Variants in CDK12 observed in about 807,000 individuals in gnomAD.
The protein encoded by CDK12 is cyclin-dependent kinase 12.
In CDK12, 17 loss-of-function variants were observed where a neutral mutation model predicts 133.8. The observed-to-expected ratio is 0.13, with a 90% CI of 0.09 to 0.19. The LOEUF (loss-of-function observed/expected upper bound fraction) is 0.19. Ranked by LOEUF, CDK12 falls within the 10% of genes least tolerant of loss-of-function variation. The pLI, the probability that CDK12 is intolerant of heterozygous loss-of-function variation, is 1.00. For missense variants in CDK12, 1,508 were observed against 1,818.7 expected, an observed-to-expected ratio of 0.83 and a Z score of 3.11; for synonymous variants, 694 against 683.6, an observed-to-expected ratio of 1.02 and a Z score of -0.24.
At chr17:39,474,678 A>G (rs2050046913) in intron 2 of CDK12, among the ~76,000 whole-genome samples, 1 of 151,268 alleles carries the variant, frequency 6.6e-6, no homozygotes, top group Admixed American at 6.7e-5. Flanking sequence ...GTTTTTTCGT[A>G]CCCTCTGTTC....
chr17:39,564,291 T>G (rs2056496550), intron 3 of CDK12, among the ~76,000 whole-genome samples: 1 of 152,156 alleles, frequency 6.6e-6, no homozygotes, highest in East Asian at 1.9e-4. Context: ...GAAGGGAGTC[T>G]ATGATAGTGT....
Position 39,471,175 on chromosome 17 carries a change from C to T in CDK12, c.1343C>T (p.Pro448Leu). ...TCAGGTTTGGAGTCTAAAAAGTTAC[C>T]CAGAAGTGTAAAATTGGAAAAATCT... ...KDSGLESKKL[P>L]RSVKLEKSAP... The change falls in exon 2 of 14, where the codon CCC becomes CTC. Residue 448 changes from proline to leucine, a missense_variant. Transcript: ENST00000447079. 1 of 1,580,434 alleles carries T rather than the reference C, an allele frequency of 6.3e-7. No homozygotes were observed. Among genetic ancestry groups the T allele is most frequent in the Middle Eastern group, 1.7e-4 (1 of 5,856 alleles).
rs2049011332 is a variant in CDK12 at position 39,462,264 on chromosome 17, A to G, written c.193A>G (p.Thr65Ala). The G allele has an allele frequency of 1.2e-6, 2 of 1,614,096 alleles. No homozygotes were observed. Among genetic ancestry groups the G allele is most frequent in the African/African-American group, 2.7e-5 (2 of 74,944 alleles). ...GACCCCCGAAGCAGCATCCCTGGGCACAGTTATCAAACCTTTGGTGGAGTA... is the reference window on the plus strand; with the variant it reads ...GACCCCCGAAGCAGCATCCCTGGGCGCAGTTATCAAACCTTTGGTGGAGTA... ...LVTPEAASLG[T>A]VIKPLVEYDD... Residue 65 changes from threonine (T) to alanine (A), a missense_variant, in exon 1 of 14, where the codon ACA becomes GCA. Physicochemically the swap from Thr to Ala is moderately conservative, Grantham distance 58. Transcript: ENST00000447079.
intron 11 of CDK12, among the ~76,000 whole-genome samples, chr17:39,523,746 C>T (rs1401478299): frequency 2.7e-5 from 4 of 149,592 alleles, no homozygotes; most frequent in South Asian, 2.1e-4. Flanking sequence ...CTCCACCTCC[C>T]AGGTTCAAGC....
At chr17:39,502,635 T>C (rs1020105954) in intron 6 of CDK12, among the ~76,000 whole-genome samples, 1 of 152,144 alleles carries the variant, frequency 6.6e-6, no homozygotes, top group Non-Finnish European at 1.5e-5. Flanking sequence ...GCAGGAGAAA[T>C]AAATAAATTA....
chr17:39,524,909 G>A, intron 12 of CDK12, 24 bp downstream of exon 12: 1 of 1,581,908 alleles, frequency 6.3e-7, no homozygotes, highest in Non-Finnish European at 8.6e-7. Flanking sequence ...TGGGGCCTTT[G>A]TGCTTTTGCT....
At position 39,532,748 on chromosome 17, in the gene CDK12, C is replaced by T. The variant is rs898245861; in HGVS notation, c.*1432C>T. 3 of 232,798 alleles carry T rather than the reference C, an allele frequency of 1.3e-5. No individual in the cohort carries two copies. Among genetic ancestry groups the T allele is most frequent in the African/African-American group, 4.4e-5 (2 of 45,262 alleles). The allele number at this position is 232,798 out of a possible 1,614,324, so 14.4% of individuals were successfully genotyped here. ...GGTAAAAGGGGTTAAATTGTGCTTC[C>T]AGGCAAGAACTTTGCCTTATCATAA... On this transcript the variant is annotated 3_prime_UTR_variant, in exon 14 of 14. Coordinates refer to ENST00000447079, the MANE Select transcript of CDK12 (RefSeq NM_016507.4).
intron 5 of CDK12, among the ~76,000 whole-genome samples, chr17:39,500,564 C>T (rs374662954): frequency 6.0e-5 from 9 of 150,794 alleles, no homozygotes; most frequent in Middle Eastern, 3.5e-3. Flanking sequence ...ACCCAGGAGG[C>T]GGAGGTTGCA....
rs562493314 is a variant in CDK12 at position 39,560,432 on chromosome 17, G to A, written n.484+4019G>A. Among the ~76,000 whole-genome samples the A allele has an allele frequency of 3.2e-4, 49 of 152,172 alleles. 1 individual carries two copies. The South Asian group carries it at 1.0e-2, about 31-fold the overall frequency. The stretch of plus-strand genomic sequence containing the variant: ...TCATAATTATTAAACTTCTTAATTG[G>A]GCATGGCACTACTATTATCTCCATT... On this transcript the variant is annotated intron_variant and non_coding_transcript_variant, in intron 3 of 3. Coordinates refer to the CDK12 transcript ENST00000558240.
At position 39,520,691 on chromosome 17, in the gene CDK12, TTTGTTGTTG is replaced by T. The variant is rs35166716; in HGVS notation, c.3095+622_3095+630del. ...CGTAAGCCACTGCGTCCAGCGTGTT[TTTGTTGTTG>T]TTGTTGTTGTTGTTGTTTTGAGATG... On this transcript the variant is annotated intron_variant, in intron 11 of 13. Transcript: ENST00000447079. Among the ~76,000 whole-genome samples, 5 of 150,130 alleles carry T rather than the reference TTTGTTGTTG, an allele frequency of 3.3e-5. No individual in the cohort carries two copies. In the East Asian group the frequency reaches 6.0e-4, roughly 18 times the overall value.
intron 10 of CDK12, among the ~76,000 whole-genome samples, chr17:39,519,123 G>A (rs1448807216): frequency 1.3e-5 from 2 of 151,714 alleles, no homozygotes; most frequent in Non-Finnish European, 2.9e-5. Flanking sequence ...GGCTGGTCTC[G>A]AACTCCTGAC....
intron 3 of CDK12, among the ~76,000 whole-genome samples, chr17:39,557,577 A>C (rs2056206946): frequency 6.6e-6 from 1 of 152,204 alleles, no homozygotes; most frequent in Non-Finnish European, 1.5e-5. Flanking sequence ...ATTTTAGCAG[A>C]AAGGATAGAG....
chr17:39,468,355 T>C (rs1290920839), intron 1 of CDK12, among the ~76,000 whole-genome samples: 1 of 152,226 alleles, frequency 6.6e-6, no homozygotes, highest in African/African-American at 2.4e-5. Context: ...TATATGTCAG[T>C]CTTACCATAT....
chr17:39,534,340 G>A lies in CDK12; in HGVS notation c.*3024G>A, dbSNP rs961221721. Reference sequence around the variant, plus strand: ...ATGGTTACCAGCAGGTTTTGAGAGAGAATGCTGCATCAGAAAAGTGTCAGT... The same window carrying A: ...ATGGTTACCAGCAGGTTTTGAGAGAAAATGCTGCATCAGAAAAGTGTCAGT... On this transcript the variant is annotated 3_prime_UTR_variant, in exon 14 of 14. Coordinates refer to ENST00000447079, the MANE Select transcript of CDK12 (RefSeq NM_016507.4). 4.3e-6 allele frequency: 1 copy of A among 233,066 alleles called. No homozygotes were observed. The highest frequency in any genetic ancestry group is 1.8e-4 in the South Asian group (1 of 5,516). 14.4% of individuals were successfully genotyped at this position (233,066 alleles called of 1,614,324 possible).
rs1294647299 is a variant in CDK12 at position 39,515,822 on chromosome 17, T to C, written c.2846+14T>C. On this transcript the variant is annotated intron_variant, in intron 9 of 13. Coordinates refer to ENST00000447079, the MANE Select transcript of CDK12 (RefSeq NM_016507.4). ...AGAACTGATCAGGTACAGCTGTACA[T>C]GTGCTCTTGAGTGCCCAGGTGTGAT... The C allele has an allele frequency of 1.9e-6, 3 of 1,594,904 alleles. No homozygotes were observed. The South Asian group carries it at 3.4e-5, about 18-fold the overall frequency.
chr17:39,468,498 G>A (rs951527795), intron 1 of CDK12, among the ~76,000 whole-genome samples: 2 of 151,352 alleles, frequency 1.3e-5, no homozygotes, highest in Admixed American at 6.6e-5. Context: ...TTTTTGAGAC[G>A]GAGTTTCACT....
chr17:39,517,929 T>G (rs2053914362), intron 10 of CDK12, among the ~76,000 whole-genome samples: 1 of 152,006 alleles, frequency 6.6e-6, no homozygotes, highest in South Asian at 2.1e-4. Flanking sequence ...TAGGGCTCAC[T>G]GCAGCCTTGA....
At chr17:39,537,095 A>G (rs1172343643), downstream of CDK12, among the ~76,000 whole-genome samples, 1 of 152,166 alleles carries the variant, frequency 6.6e-6, no homozygotes, top group African/African-American at 2.4e-5. Flanking sequence ...ACCATATAGC[A>G]GTCAGAGCTA....
chr17:39,520,690 T>TG (rs2054109930), intron 11 of CDK12, among the ~76,000 whole-genome samples: 3 of 118,474 alleles, frequency 2.5e-5, no homozygotes, highest in East Asian at 2.7e-4. Flanking sequence ...TCCAGCGTGT[T>TG]TTTGTTGTTG....
Sources: allele counts gnomAD v4.1 joint callset (sites outside exome capture counted in the v4.1 genomes callset), GRCh38; gene constraint gnomAD v4.1.1; transcripts MANE v1.5; gene names NCBI Gene and HGNC (gene_info 2026-07-23, HGNC 2026-07-21).